Variants in CADM2 observed in about 807,000 individuals in gnomAD.
CADM2 encodes the protein cell adhesion molecule 2, also known as immunoglobulin superfamily member 4D.
In CADM2, 12 loss-of-function variants were observed where a neutral mutation model predicts 49.8. The ratio of observed to expected loss-of-function variants is 0.24; its 90% CI spans 0.15 to 0.39. The LOEUF is 0.39. CADM2 is among the 10% of genes least tolerant of loss of function. The probability of loss-of-function intolerance (pLI) is 1.00; values close to 1 mark genes in which losing one functional copy is unlikely to be tolerated. For missense variants in CADM2, 378 were observed against 492.3 expected, an observed-to-expected ratio of 0.77 and a Z score of 2.20; for synonymous variants, 214 against 175.4, an observed-to-expected ratio of 1.22 and a Z score of -1.74.
intron 1 of CADM2, among the ~76,000 whole-genome samples, chr3:85,230,372 C>A (rs2042259085): frequency 6.6e-6 from 1 of 152,266 alleles, no homozygotes; most frequent in African/African-American, 2.4e-5. Flanking sequence ...TTCTTATCCC[C>A]TCCATTAGTG....
chr3:85,200,786 A>G (rs1190416612), intron 1 of CADM2, among the ~76,000 whole-genome samples: 1 of 152,184 alleles, frequency 6.6e-6, no homozygotes, highest in African/African-American at 2.4e-5. Context: ...ATGTCCAGAT[A>G]GTGTAAAACA....
intron 2 of CADM2, among the ~76,000 whole-genome samples, chr3:85,795,413 A>G (rs1057129007): frequency 6.6e-6 from 1 of 152,156 alleles, no homozygotes; most frequent in Non-Finnish European, 1.5e-5. Flanking sequence ...GGATTAGGAG[A>G]TTCTCCACAG....
intron 1 of CADM2, among the ~76,000 whole-genome samples, chr3:85,247,388 G>A (rs2107850558): frequency 6.6e-6 from 1 of 152,246 alleles, no homozygotes; most frequent in East Asian, 1.9e-4. Context: ...CGATAAAGCA[G>A]CATAACTGTT....
At chr3:85,388,960 G>T (rs925367663) in intron 1 of CADM2, among the ~76,000 whole-genome samples, 3 of 152,064 alleles carry the variant, frequency 2.0e-5, no homozygotes, top group Non-Finnish European at 2.9e-5. Flanking sequence ...AGACCATCTG[G>T]GGGTATTGGA....
At chr3:85,546,096 T>C (rs563101987) in intron 1 of CADM2, among the ~76,000 whole-genome samples, 1 of 152,300 alleles carries the variant, frequency 6.6e-6, no homozygotes, top group East Asian at 1.9e-4. Flanking sequence ...CTTATGAATG[T>C]CCTAAATTTT....
chr3:85,196,793 A>G (rs2041354590), intron 1 of CADM2, among the ~76,000 whole-genome samples: 1 of 151,948 alleles, frequency 6.6e-6, no homozygotes, highest in African/African-American at 2.4e-5. Flanking sequence ...AACCATCCTA[A>G]TTGTATCACA....
At chr3:86,015,476 C>T (rs1470917933) in intron 8 of CADM2, among the ~76,000 whole-genome samples, 5 of 151,984 alleles carry the variant, frequency 3.3e-5, no homozygotes, top group Non-Finnish European at 7.4e-5. Context: ...TGAAGAGGTG[C>T]GGGAGGAAGG....
At chr3:85,167,359 T>A (rs1285963320) in intron 1 of CADM2, among the ~76,000 whole-genome samples, 2 of 152,122 alleles carry the variant, frequency 1.3e-5, no homozygotes, top group Non-Finnish European at 2.9e-5. Flanking sequence ...TACTGCTTTT[T>A]ATATTTTTAA....
At chr3:85,896,868 C>T (rs1483118401) in intron 5 of CADM2, among the ~76,000 whole-genome samples, 1 of 152,120 alleles carries the variant, frequency 6.6e-6, no homozygotes. Context: ...GCCTTTAGAC[C>T]ACTTAGATTA....
intron 1 of CADM2, among the ~76,000 whole-genome samples, chr3:85,133,644 CAT>C (rs1217537149): frequency 6.6e-6 from 1 of 152,158 alleles, no homozygotes; most frequent in Non-Finnish European, 1.5e-5. Flanking sequence ...TCGATTGGTG[CAT>C]TCACAAACCC....
At chr3:85,056,515 A>G (rs2036085534) in intron 1 of CADM2, among the ~76,000 whole-genome samples, 1 of 152,082 alleles carries the variant, frequency 6.6e-6, no homozygotes, top group African/African-American at 2.4e-5. Context: ...ACAGGGTTTC[A>G]CAGATATAAA....
intron 8 of CADM2, among the ~76,000 whole-genome samples, chr3:85,987,842 A>G (rs1728307726): frequency 6.6e-6 from 1 of 151,754 alleles, no homozygotes. Flanking sequence ...ATGTATTTCT[A>G]GAACATCTCT....
intron 1 of CADM2, among the ~76,000 whole-genome samples, chr3:85,404,166 T>C (rs2035259212): frequency 1.3e-5 from 2 of 152,138 alleles, no homozygotes; most frequent in Admixed American, 6.6e-5. Context: ...CCTTGGAATG[T>C]TAGAATTTGG....
chr3:85,851,008 G>A (rs1352192561), intron 3 of CADM2, among the ~76,000 whole-genome samples: 2 of 152,080 alleles, frequency 1.3e-5, no homozygotes, highest in Admixed American at 6.6e-5. Context: ...ATCCAGTTGA[G>A]AGTAGTCCTC....
intron 8 of CADM2, among the ~76,000 whole-genome samples, chr3:86,022,112 T>C (rs1733272383): frequency 6.6e-6 from 1 of 152,192 alleles, no homozygotes; most frequent in African/African-American, 2.4e-5. Context: ...TTATACAAAA[T>C]ATAATTTTTA....
At chr3:85,478,127 A>G (rs956355228) in intron 1 of CADM2, among the ~76,000 whole-genome samples, 1 of 151,920 alleles carries the variant, frequency 6.6e-6, no homozygotes, top group Admixed American at 6.6e-5. Context: ...CCTTACGTAT[A>G]TCAGTTATCT....
At chr3:85,596,487 T>G (rs1442897957) in intron 1 of CADM2, among the ~76,000 whole-genome samples, 1 of 152,084 alleles carries the variant, frequency 6.6e-6, no homozygotes, top group Non-Finnish European at 1.5e-5. Flanking sequence ...TGACTGATAT[T>G]TTAAAAACTG....
intron 3 of CADM2, among the ~76,000 whole-genome samples, chr3:85,861,726 C>T (rs2075541894): frequency 6.6e-6 from 1 of 151,904 alleles, no homozygotes; most frequent in South Asian, 2.1e-4. Context: ...TTGTCAGGTG[C>T]TAAGATATAA....
intron 1 of CADM2, among the ~76,000 whole-genome samples, chr3:85,443,967 C>T (rs1196864190): frequency 2.0e-5 from 3 of 152,140 alleles, no homozygotes; most frequent in Non-Finnish European, 4.4e-5. Flanking sequence ...GTTTTCCATT[C>T]CACTATCTCA....
Sources: allele counts gnomAD v4.1 joint callset (sites outside exome capture counted in the v4.1 genomes callset), GRCh38; gene constraint gnomAD v4.1.1; transcripts MANE v1.5; gene names NCBI Gene and HGNC (gene_info 2026-07-23, HGNC 2026-07-21).